Variants in BAZ2B observed in about 807,000 individuals in gnomAD.
BAZ2B encodes the protein bromodomain adjacent to zinc finger domain 2B.
BAZ2B carries 91 observed loss-of-function variants against 246.0 expected under a neutral mutation model. That is an observed-to-expected ratio of 0.37 (90% confidence interval 0.31 to 0.44). BAZ2B has a LOEUF of 0.44. BAZ2B is among the 20% of genes least tolerant of loss of function. BAZ2B has a pLI of 1.00. For missense variants in BAZ2B, 2,332 were observed against 2,533.7 expected, an observed-to-expected ratio of 0.92 and a Z score of 1.71; for synonymous variants, 855 against 860.0, an observed-to-expected ratio of 0.99 and a Z score of 0.10.
intron 19 of BAZ2B, chr2:159,397,001 C>T (rs2064123138): frequency 8.4e-7 from 1 of 1,186,648 alleles, no homozygotes; most frequent in African/African-American, 1.6e-5. Context: ...ACACTTTATG[C>T]ATTGCTATGA....
chr2:159,333,167 A>G lies in BAZ2B; in HGVS notation c.5797-481T>C, dbSNP rs532256835. Among the ~76,000 whole-genome samples the G allele has an allele frequency of 3.3e-5, 5 of 152,344 alleles. No individual in the cohort carries two copies. In the East Asian group the frequency reaches 9.6e-4, roughly 29 times the overall value. The stretch of plus-strand genomic sequence containing the variant: ...TATTAGTATCATAATTACGTATAAT[A>G]AAAAGATAACCCTAGATTTTTGACT... On this transcript the variant is annotated intron_variant, in intron 33 of 36. Coordinates refer to ENST00000392783, the MANE Select transcript of BAZ2B (RefSeq NM_013450.4).
intron 1 of BAZ2B, among the ~76,000 whole-genome samples, chr2:159,580,190 C>G (rs1686399819): frequency 6.6e-6 from 1 of 152,174 alleles, no homozygotes; most frequent in African/African-American, 2.4e-5. Flanking sequence ...AGCCCAAAAT[C>G]TCCTTAAGCT....
intron 25 of BAZ2B, among the ~76,000 whole-genome samples, chr2:159,380,375 T>C (rs2061859703): frequency 6.6e-6 from 1 of 152,244 alleles, no homozygotes; most frequent in Non-Finnish European, 1.5e-5. Context: ...GTGTTGACAC[T>C]GGTTACCAAT....
chr2:159,478,842 G>T, intron 2 of BAZ2B, 121 bp from the exon 3 acceptor site: 1 of 712,276 alleles, frequency 1.4e-6, no homozygotes, highest in Non-Finnish European at 2.0e-6. Flanking sequence ...CATGTTCTTT[G>T]GAAAGAGAAA....
At chr2:159,410,927 A>C (rs750738279) in intron 14 of BAZ2B, among the ~76,000 whole-genome samples, 11 of 152,238 alleles carry the variant, frequency 7.2e-5, no homozygotes, top group Non-Finnish European at 1.3e-4. Flanking sequence ...AAAATCAAAA[A>C]GGATATATAT....
chr2:159,386,692 G>A (rs1398768111), intron 21 of BAZ2B, 85 bp from the exon 22 acceptor site: 4 of 1,397,998 alleles, frequency 2.9e-6, no homozygotes, highest in South Asian at 3.0e-5. Flanking sequence ...AGTAAAATAA[G>A]CTGCTACCTT....
At chr2:159,541,336 T>C (rs150789333) in intron 2 of BAZ2B, among the ~76,000 whole-genome samples, 1 of 152,136 alleles carries the variant, frequency 6.6e-6, no homozygotes, top group African/African-American at 2.4e-5. Context: ...TGGAGTGTAG[T>C]GGCATGATCT....
chr2:159,589,733 T>C (rs1190513084), intron 1 of BAZ2B, among the ~76,000 whole-genome samples: 1 of 152,170 alleles, frequency 6.6e-6, no homozygotes, highest in East Asian at 1.9e-4. Flanking sequence ...ATGTATATAA[T>C]CCATAAACAA....
chr2:159,347,434 T>C (rs1273885957), intron 31 of BAZ2B, 52 bp downstream of exon 31: 3 of 1,542,588 alleles, frequency 1.9e-6, no homozygotes, highest in African/African-American at 2.7e-5. Context: ...GTAATAAACA[T>C]TAGTTATCTT....
chr2:159,478,541 G>T (rs778862904), intron 3 of BAZ2B, 34 bp downstream of exon 3: 1 of 1,562,318 alleles, frequency 6.4e-7, no homozygotes, highest in Non-Finnish European at 8.6e-7. Flanking sequence ...TAAAAGAATG[G>T]CATTCTAAAA....
chr2:159,587,233 C>T (rs1056613700), intron 1 of BAZ2B, among the ~76,000 whole-genome samples: 1 of 152,092 alleles, frequency 6.6e-6, no homozygotes, highest in Non-Finnish European at 1.5e-5. Context: ...CGCCTGCCAC[C>T]ACGCCTGGCT....
intron 2 of BAZ2B, among the ~76,000 whole-genome samples, chr2:159,518,952 C>G (rs1351136772): frequency 1.3e-5 from 2 of 152,016 alleles, no homozygotes; most frequent in East Asian, 3.9e-4. Flanking sequence ...AAATAATTTT[C>G]AAAAATGCAA....
intron 4 of BAZ2B, among the ~76,000 whole-genome samples, chr2:159,450,221 A>T (rs541396404): frequency 6.6e-6 from 1 of 152,260 alleles, no homozygotes; most frequent in Non-Finnish European, 1.5e-5. Flanking sequence ...AATGGTAAAT[A>T]AGCACATAGC....
At chr2:159,317,306 T>A (rs2062224823), downstream of BAZ2B, among the ~76,000 whole-genome samples, 2 of 152,206 alleles carry the variant, frequency 1.3e-5, no homozygotes. Flanking sequence ...GAGGGGTACA[T>A]TAAGGTACTA....
At chr2:159,396,583 A>G (rs2064056744) in intron 19 of BAZ2B, 1 of 152,228 alleles carries the variant, frequency 6.6e-6, no homozygotes, top group African/African-American at 2.4e-5. Flanking sequence ...TTTAAAATAA[A>G]AAAATCACTT....
chr2:159,382,704 C>G lies in BAZ2B; in HGVS notation c.3860G>C (p.Gly1287Ala), dbSNP rs1285644649. 1 of 1,613,366 alleles carries G rather than the reference C, an allele frequency of 6.2e-7. No homozygotes were observed. Among genetic ancestry groups the G allele is most frequent in the East Asian group, 2.2e-5 (1 of 44,828 alleles). Residue 1287 changes from glycine (G) to alanine (A), a missense_variant, in exon 25 of 37, where the codon GGA (glycine) becomes GCA (alanine). Transcript: ENST00000392783. ...EQHPLGTPTP[G>A]RKRRRKGGDS... ...TCCTCCCTTCCTTCTTCGCTTGCGT[C>G]CTGGAGTGGGTGTGCCCAAGGGATG...
chr2:159,562,894 CAAAT>C (rs1037658055), intron 1 of BAZ2B, among the ~76,000 whole-genome samples: 10 of 151,990 alleles, frequency 6.6e-5, no homozygotes, highest in Non-Finnish European at 1.2e-4. Context: ...AAAAATCACT[CAAAT>C]AAGCCAGCAA....
chr2:159,379,595 T>G (rs2061767016), intron 25 of BAZ2B, among the ~76,000 whole-genome samples: 1 of 152,194 alleles, frequency 6.6e-6, no homozygotes, highest in South Asian at 2.1e-4. Context: ...GACAACATTT[T>G]GTACTCATGA....
rs754100698 is a variant in BAZ2B at position 159,373,028 on chromosome 2, G to A, written c.4213+17C>T. On this transcript the variant is annotated intron_variant, in intron 27 of 36. Transcript: ENST00000392783. ...AGTTTCTTATTTAACAATTTGTATCGGATTATGAGTTCTAACCTTCACCAC... is the reference window on the plus strand; with the variant it reads ...AGTTTCTTATTTAACAATTTGTATCAGATTATGAGTTCTAACCTTCACCAC... The A allele has an allele frequency of 2.1e-5, 33 of 1,592,166 alleles. No homozygotes were observed. Among genetic ancestry groups the A allele is most frequent in the East Asian group, 1.8e-4 (8 of 44,698 alleles).
Sources: gnomAD v4.1 joint callset for allele counts (sites outside exome capture counted in the v4.1 genomes callset) on GRCh38, gnomAD v4.1.1 for gene constraint, MANE v1.5 for transcripts, NCBI Gene and HGNC (gene_info 2026-07-23, HGNC 2026-07-21) for gene names.